GAL: variants seen among roughly 807,000 people sequenced by gnomAD.
The protein encoded by GAL is galanin peptides.
GAL carries 14 observed loss-of-function variants against 15.8 expected under a neutral mutation model. The observed-to-expected ratio is 0.89, with a 90% CI of 0.59 to 1.39. GAL has a LOEUF of 1.39. GAL is among the 40% of genes most tolerant of loss of function. The pLI, the probability that GAL is intolerant of heterozygous loss-of-function variation, is 0.00. For missense variants in GAL, 176 were observed against 170.4 expected (o/e 1.03, Z -0.18); for synonymous variants, 79 against 73.8 (o/e 1.07, Z -0.36).
chr11:68,691,137 G>A lies in GAL; in HGVS notation c.*150G>A. 3.5e-6 allele frequency: 2 copies of A among 575,320 alleles called. No individual in the cohort carries two copies. Among genetic ancestry groups the A allele is most frequent in the South Asian group, 2.3e-5 (1 of 44,136 alleles). The allele number at this position is 575,320 out of a possible 1,614,324, so 35.6% of individuals were successfully genotyped here. ...TTATCATTTAAGATTTTTTTTTTTT[G>A]GTAATTATTTTGAGTGGCAAAATAA... On this transcript the variant is annotated 3_prime_UTR_variant, in exon 6 of 6. Coordinates refer to ENST00000265643, the MANE Select transcript of GAL (RefSeq NM_015973.5).
Position 68,688,067 on chromosome 11 carries a change from C to CG in GAL, c.193dup (p.Glu65GlyfsTer7), listed in dbSNP as rs751380097. The CG allele has an allele frequency of 9.9e-6, 16 of 1,612,308 alleles. No homozygotes were observed. The South Asian group carries it at 1.6e-4, about 17-fold the overall frequency. ...CGACAAGAATGGCCTCACCAGCAAG[C>CG]GGGAGCTGCGGCCCGAAGATGACAT... On this transcript the variant is annotated frameshift_variant, in exon 4 of 6. Transcript: ENST00000265643. LOFTEE classifies it high-confidence loss of function.
chr11:68,685,727 C>T (rs1049568745), intron 3 of GAL, 79 bp downstream of exon 3: 37 of 1,006,310 alleles, frequency 3.7e-5, no homozygotes, highest in Non-Finnish European at 5.6e-5. Flanking sequence ...TGCCCCTCCG[C>T]CTGCGGCTGG....
intron 5 of GAL, 133 bp downstream of exon 5, chr11:68,689,059 G>T (rs1945881688): frequency 6.4e-6 from 4 of 629,818 alleles, no homozygotes; most frequent in Non-Finnish European, 1.2e-5. Context: ...GTCCTGTTTG[G>T]CTGTGTGTCG....
At chr11:68,685,119 G>A in intron 2 of GAL, 115 bp downstream of exon 2, 2 of 704,996 alleles carry the variant, frequency 2.8e-6, no homozygotes, top group Non-Finnish European at 4.9e-6. Flanking sequence ...GGTGGAAAGT[G>A]GAAAGGCGGG....
intron 2 of GAL, 28 bp downstream of exon 2, chr11:68,685,032 C>A (rs373559015): frequency 1.3e-6 from 2 of 1,481,706 alleles, no homozygotes; most frequent in African/African-American, 1.4e-5. Flanking sequence ...CTCCTCCGAG[C>A]GAAGGGGACA....
intron 4 of GAL, 64 bp downstream of exon 4, chr11:68,688,164 G>A (rs1369396634): frequency 2.0e-6 from 2 of 1,000,650 alleles, no homozygotes; most frequent in African/African-American, 3.2e-5. Flanking sequence ...GGTGCATGCA[G>A]GGGACAGCTG....
At chr11:68,685,774 G>C in intron 3 of GAL, 126 bp downstream of exon 3, 1 of 713,704 alleles carries the variant, frequency 1.4e-6, no homozygotes, top group South Asian at 1.5e-5. Flanking sequence ...CTCATTGCCC[G>C]TCTCCATTGC....
chr11:68,684,864 T>C, intron 1 of GAL, 60 bp from the exon 2 acceptor site: 2 of 1,066,106 alleles, frequency 1.9e-6, no homozygotes, highest in Non-Finnish European at 2.8e-6. Context: ...CCGGCACTCC[T>C]TGCCTCGGGG....
intron 3 of GAL, among the ~76,000 whole-genome samples, chr11:68,687,453 AC>A (rs1451095635): frequency 6.6e-6 from 1 of 150,756 alleles, no homozygotes; most frequent in Non-Finnish European, 1.5e-5. Context: ...ACGCTCCTGC[AC>A]CCCCCACCCC....
rs138422737 is a variant in GAL, at chr11:68,685,744, C to A, written c.136+96C>A. The stretch of plus-strand genomic sequence containing the variant: ...CCCCTCCGCCTGCGGCTGGGCAGAC[C>A]CTCTGGCCTCCCTCTTGACCTCATT... On this transcript the variant is annotated intron_variant, in intron 3 of 5. Transcript: ENST00000265643. 8.7e-3 allele frequency: 6,921 copies of A among 793,578 alleles called. 62 individuals carry two copies. The highest frequency in any genetic ancestry group is 0.017 in the Middle Eastern group (75 of 4,304). The allele number at this position is 793,578 out of a possible 1,614,324, so 49.2% of individuals were successfully genotyped here.
Position 68,689,015 on chromosome 11 carries a change from C to G in GAL, c.301+89C>G, listed in dbSNP as rs996293294. The G allele has an allele frequency of 1.3e-5, 9 of 715,648 alleles. No individual in the cohort carries two copies. In the African/African-American group the frequency reaches 1.6e-4, roughly 13 times the overall value. 44.3% of individuals were successfully genotyped at this position (715,648 alleles called of 1,614,324 possible). The stretch of plus-strand genomic sequence containing the variant: ...CGAGAAGAGAACCCATAGAATCCCC[C>G]TGGGAAGTAGCCGATTACTTATCTA... On this transcript the variant is annotated intron_variant, in intron 5 of 5. Coordinates refer to ENST00000265643, the MANE Select transcript of GAL (RefSeq NM_015973.5).
At chr11:68,686,655 C>G (rs199514168) in intron 3 of GAL, among the ~76,000 whole-genome samples, 1 of 152,180 alleles carries the variant, frequency 6.6e-6, no homozygotes, top group Non-Finnish European at 1.5e-5. Context: ...AGGCCGCGTG[C>G]GGATCGGTCC....
At chr11:68,685,784 C>G in intron 3 of GAL, 136 bp downstream of exon 3, 1 of 700,790 alleles carries the variant, frequency 1.4e-6, no homozygotes, top group African/African-American at 1.8e-5. Flanking sequence ...GTCTCCATTG[C>G]TCTGCACACT....
In GAL at chr11:68,685,016, G is replaced by A. The variant is rs1338973790; in HGVS notation, c.81+12G>A. On this transcript the variant is annotated intron_variant, in intron 2 of 5. Transcript: ENST00000265643. ...GGCTCTGGTCGCCGGTAAGTGCGGG[G>A]CGCGTCTCCTCCGAGCGAAGGGGAC... The A allele has an allele frequency of 6.4e-7, 1 of 1,566,832 alleles. No homozygotes were observed.
chr11:68,684,722 C>T lies in GAL; in HGVS notation c.-11C>T. On this transcript the variant is annotated 5_prime_UTR_variant, in exon 1 of 6. Coordinates refer to ENST00000265643, the MANE Select transcript of GAL (RefSeq NM_015973.5). ...CCGACGCTCCGAACCCGGGCGCAGC[C>T]GCAGCTCAAGGTACTACTGGCGCCG... 1 of 430,778 alleles carries T rather than the reference C, an allele frequency of 2.3e-6. No homozygotes were observed. The highest frequency in any genetic ancestry group is 4.1e-6 in the Non-Finnish European group (1 of 243,812). The allele number at this position is 430,778 out of a possible 1,614,324, so 26.7% of individuals were successfully genotyped here.
chr11:68,690,391 C>G (rs1945894150), intron 5 of GAL, among the ~76,000 whole-genome samples: 1 of 152,074 alleles, frequency 6.6e-6, no homozygotes, highest in African/African-American at 2.4e-5. Flanking sequence ...TCGGGCTGCA[C>G]TTTAGGTGGC....
chr11:68,685,179 T>C (rs1032196945), intron 2 of GAL, among the ~76,000 whole-genome samples, 175 bp downstream of exon 2: 1 of 152,120 alleles, frequency 6.6e-6, no homozygotes, highest in African/African-American at 2.4e-5. Context: ...CTCCCTGGGA[T>C]TCCCCCCGCG....
At chr11:68,690,198 G>A (rs1468236083) in intron 5 of GAL, among the ~76,000 whole-genome samples, 1 of 148,592 alleles carries the variant, frequency 6.7e-6, no homozygotes, top group East Asian at 2.0e-4. Flanking sequence ...CCTCTCCAGT[G>A]GAGAAGACCT....
rs755600144 is a variant in GAL, at chr11:68,688,114, T to C, written c.223+14T>C. The C allele has an allele frequency of 3.8e-6, 6 of 1,560,490 alleles. No homozygotes were observed. Among genetic ancestry groups the C allele is most frequent in the Non-Finnish European group, 5.3e-6 (6 of 1,131,416 alleles). ...ACATGAAACCAGGTGAGAGGACTCC[T>C]ATCCCGGGCCCCGGGGCACCTCACT... On this transcript the variant is annotated intron_variant, in intron 4 of 5. Coordinates refer to ENST00000265643, the MANE Select transcript of GAL (RefSeq NM_015973.5).
Sources: gnomAD v4.1 joint callset for allele counts (sites outside exome capture counted in the v4.1 genomes callset) on GRCh38, gnomAD v4.1.1 for gene constraint, MANE v1.5 for transcripts, NCBI Gene and HGNC (gene_info 2026-07-23, HGNC 2026-07-21) for gene names.